Variants in ELL observed in about 807,000 individuals in gnomAD.
ELL encodes the protein RNA polymerase II elongation factor ELL.
Under a neutral mutation model 64.0 loss-of-function variants are expected in ELL, and 18 were observed. That is an observed-to-expected ratio of 0.28 (90% CI 0.19 to 0.42). The LOEUF is 0.42. ELL is among the 10% of genes least tolerant of loss of function. The pLI is 1.00. For synonymous variants in ELL, 399 were observed against 376.2 expected (o/e 1.06, Z -0.70); for missense variants, 797 against 870.4 (o/e 0.92, Z 1.06).
chr19:18,458,541 A>G lies in ELL; in HGVS notation c.745-212T>C, dbSNP rs118116309. 8.9e-4 allele frequency among the ~76,000 whole-genome samples: 136 copies of G among 152,182 alleles called. 3 individuals carry two copies. In the East Asian group the frequency reaches 0.022, roughly 25 times the overall value. ...ACAATCCTCAGGGTGCAGAAGGGAT[A>G]ATGAGGGTCATGAAGGCAGGTCCAG... On this transcript the variant is annotated intron_variant, in intron 5 of 11. Coordinates refer to ENST00000262809, the MANE Select transcript of ELL (RefSeq NM_006532.4).
chr19:18,451,460 A>C (rs1240923459), intron 7 of ELL, 92 bp downstream of exon 7: 192 of 1,123,750 alleles, frequency 1.7e-4, no homozygotes, highest in Non-Finnish European at 2.1e-4. Flanking sequence ...CATGCTCCAA[A>C]GAGCTGGTGA....
intron 1 of ELL, among the ~76,000 whole-genome samples, chr19:18,487,723 G>A (rs1397646726): frequency 6.6e-6 from 1 of 152,240 alleles, no homozygotes; most frequent in Non-Finnish European, 1.5e-5. Flanking sequence ...GAATGAATCA[G>A]TCCCTTCAGA....
Position 18,450,793 on chromosome 19 carries a change from G to A in ELL, c.1149C>T (p.His383=), listed in dbSNP as rs752243527. 24 of 1,583,396 alleles carry A rather than the reference G, an allele frequency of 1.5e-5. No homozygotes were observed. The highest frequency in any genetic ancestry group is 1.7e-4 in the Middle Eastern group (1 of 5,978). Residue 383 remains histidine (H), a synonymous_variant, in exon 8 of 12, where the codon CAC becomes CAT. Transcript: ENST00000262809. ...TCGGGGGCTCCAGCCGCGGGGGCAG[G>A]TGAGTGCTGGAGCTGAGGGTGTCCG... The part of the protein sequence containing the change: ...ASTDTLSSST[H]LPPRLEPPRA...
rs1213113222 is a variant in ELL at position 18,449,367 on chromosome 19, G to A, written c.1465+1110C>T. On this transcript the variant is annotated intron_variant, in intron 8 of 11. Coordinates refer to ENST00000262809, the MANE Select transcript of ELL (RefSeq NM_006532.4). This position sits in a 1 kb window ranked among gnomAD's most constrained non-coding sequence, Gnocchi z 4.4. Reference sequence around the variant, plus strand: ...CCTGAGCATGGCCCTGGTCAGAGAGGCTGCCCAGGGAGTAAGGCCACCTTC... The same window carrying A: ...CCTGAGCATGGCCCTGGTCAGAGAGACTGCCCAGGGAGTAAGGCCACCTTC... Among the ~76,000 whole-genome samples the A allele has an allele frequency of 6.6e-6, 1 of 152,108 alleles. No individual in the cohort carries two copies. The highest frequency in any genetic ancestry group is 2.4e-5 in the African/African-American group (1 of 41,422).
chr19:18,453,404 T>C lies in ELL; in HGVS notation c.870-1756A>G, dbSNP rs150052511. Among the ~76,000 whole-genome samples the C allele has an allele frequency of 8.5e-5, 13 of 152,370 alleles. No homozygotes were observed. The East Asian group carries it at 2.3e-3, about 27-fold the overall frequency. ...GCACATAACAAGATGCTCAATGCCA[T>C]GTGTCATCAGGGAAATGCAAATCAA... On this transcript the variant is annotated intron_variant, in intron 6 of 11. Transcript: ENST00000262809.
intron 2 of ELL, among the ~76,000 whole-genome samples, chr19:18,466,649 C>G (rs1010012938): frequency 3.3e-5 from 5 of 152,236 alleles, no homozygotes; most frequent in African/African-American, 1.2e-4. Context: ...AGGCTCAGTG[C>G]AGGGCGGCAT....
At position 18,501,184 on chromosome 19, in the gene ELL, T is replaced by A. The variant is rs369135982; in HGVS notation, c.135+20737A>T. On this transcript the variant is annotated intron_variant, in intron 1 of 11. Coordinates refer to ENST00000262809, the MANE Select transcript of ELL (RefSeq NM_006532.4). The surrounding 1 kb of genome is among the most constrained non-coding windows in gnomAD (Gnocchi z 4.5). ...ACCTCCAGGGGCCACGTAGACAACC[T>A]GTGACACAGTGAACCCCACTCCACG... Among the ~76,000 whole-genome samples the A allele has an allele frequency of 4.1e-4, 62 of 151,998 alleles. No homozygotes were observed. The South Asian group carries it at 0.012, about 30-fold the overall frequency.
chr19:18,463,501 A>C (rs1974873319), intron 4 of ELL, among the ~76,000 whole-genome samples: 1 of 151,690 alleles, frequency 6.6e-6, no homozygotes, highest in African/African-American at 2.4e-5. Context: ...CAACTGGCTA[A>C]TTTTTGTATT....
At chr19:18,512,647 C>A (rs550249634) in intron 1 of ELL, among the ~76,000 whole-genome samples, 1 of 152,284 alleles carries the variant, frequency 6.6e-6, no homozygotes, top group Admixed American at 6.5e-5. Flanking sequence ...AACAGCAGAG[C>A]TATAGGAGAA....
intron 6 of ELL, among the ~76,000 whole-genome samples, chr19:18,454,597 T>G (rs906891219): frequency 2.0e-4 from 30 of 152,094 alleles, no homozygotes; most frequent in African/African-American, 7.0e-4. Flanking sequence ...TCCCAGTACT[T>G]TGGGAGGCTG....
intron 5 of ELL, among the ~76,000 whole-genome samples, chr19:18,461,364 C>A (rs995909406): frequency 6.6e-6 from 1 of 152,200 alleles, no homozygotes; most frequent in Non-Finnish European, 1.5e-5. Context: ...CCTGGACAGT[C>A]GGGGCCATGC....
In ELL at chr19:18,443,337, G is replaced by A. The variant is rs141389884; in HGVS notation, c.*1415C>T. On this transcript the variant is annotated 3_prime_UTR_variant, in exon 12 of 12. Transcript: ENST00000262809. ...TGGGATACACTGTGGGCCCTCCACA[G>A]TCAGCTCTTTGGAAGCTGTCAGGAG... The A allele has an allele frequency of 4.3e-6, 1 of 233,350 alleles. No homozygotes were observed. Among genetic ancestry groups the A allele is most frequent in the East Asian group, 6.0e-5 (1 of 16,576 alleles). The allele number at this position is 233,350 out of a possible 1,614,324, so 14.5% of individuals were successfully genotyped here. A position where few individuals can be genotyped will look rare whatever the true frequency, so the allele number is the denominator to read the frequency against.
intron 1 of ELL, among the ~76,000 whole-genome samples, chr19:18,473,946 G>C (rs938225296): frequency 4.6e-5 from 7 of 152,182 alleles, no homozygotes; most frequent in African/African-American, 1.7e-4. Context: ...TCCCACCCTG[G>C]TCTGCCCATA....
At chr19:18,454,355 C>T (rs1306985030) in intron 6 of ELL, among the ~76,000 whole-genome samples, 2 of 152,000 alleles carry the variant, frequency 1.3e-5, no homozygotes, top group African/African-American at 4.8e-5. Flanking sequence ...AAAAATTAGC[C>T]GGGCATGGTG....
At chr19:18,492,665 T>C (rs992696440) in intron 1 of ELL, among the ~76,000 whole-genome samples, 4 of 152,090 alleles carry the variant, frequency 2.6e-5, no homozygotes, top group African/African-American at 9.7e-5. Flanking sequence ...TGCCCTCTCC[T>C]CCTCTCTGCC....
intron 6 of ELL, among the ~76,000 whole-genome samples, chr19:18,455,127 TGA>T (rs1453193705): frequency 7.9e-6 from 1 of 126,328 alleles, no homozygotes; most frequent in Non-Finnish European, 1.6e-5. Context: ...GGCGATAGGG[TGA>T]GAGTCCCTCT....
rs1051299578 is a variant in ELL, at chr19:18,466,067, A to G, written c.184-149T>C. 2.0e-5 allele frequency: 16 copies of G among 798,472 alleles called. No individual in the cohort carries two copies. In the African/African-American group the frequency reaches 2.9e-4, roughly 14 times the overall value. The allele number at this position is 798,472 out of a possible 1,614,324, so 49.5% of individuals were successfully genotyped here. On this transcript the variant is annotated intron_variant, in intron 2 of 11. Transcript: ENST00000262809. The stretch of plus-strand genomic sequence containing the variant: ...TAAAACACACCCCTGCTCTTCAGCC[A>G]GTGACGGGACAGGCAGCCCATCCTC...
At chr19:18,504,662 G>A (rs995778439) in intron 1 of ELL, among the ~76,000 whole-genome samples, 1 of 152,174 alleles carries the variant, frequency 6.6e-6, no homozygotes, top group Non-Finnish European at 1.5e-5. Context: ...CAGAAAACCT[G>A]AGGCTCGACT....
intron 1 of ELL, among the ~76,000 whole-genome samples, chr19:18,477,683 T>C (rs1262114183): frequency 6.6e-6 from 1 of 152,034 alleles, no homozygotes; most frequent in East Asian, 1.9e-4. Context: ...GAAAGGGAAA[T>C]AAAGATTCGC....
Sources: gnomAD v4.1 joint callset for allele counts (sites outside exome capture counted in the v4.1 genomes callset) on GRCh38, gnomAD v4.1.1 for gene constraint, Gnocchi (gnomAD v3.1) non-coding constraint, MANE v1.5 for transcripts, NCBI Gene and HGNC (gene_info 2026-07-23, HGNC 2026-07-21) for gene names.